The following HIP1 variants were observed in gnomAD, a reference collection of about 807,000 sequenced individuals.
The protein encoded by HIP1 is huntingtin-interacting protein 1.
A neutral mutation model predicts 147.6 loss-of-function variants in HIP1; 65 were observed. The ratio of observed to expected loss-of-function variants is 0.44; its 90% CI spans 0.36 to 0.54. The LOEUF (loss-of-function observed/expected upper bound fraction) is 0.54. Ranked by LOEUF, HIP1 falls within the 20% of genes least tolerant of loss-of-function variation. The pLI, the probability that HIP1 is intolerant of heterozygous loss-of-function variation, is 0.00. For synonymous variants in HIP1, 479 were observed against 504.0 expected, an observed-to-expected ratio of 0.95 and a Z score of 0.67; for missense variants, 1,061 against 1,299.6, an observed-to-expected ratio of 0.82 and a Z score of 2.82.
chr7:75,635,019 T>C (rs1347696573), intron 1 of HIP1, among the ~76,000 whole-genome samples: 3 of 151,684 alleles, frequency 2.0e-5, no homozygotes, highest in Non-Finnish European at 2.9e-5. Flanking sequence ...TAAATTGTTA[T>C]GTAAACATTA....
At chr7:75,538,492 G>C (rs1554489186) in intron 30 of HIP1, among the ~76,000 whole-genome samples, 1 of 151,360 alleles carries the variant, frequency 6.6e-6, no homozygotes, top group East Asian at 1.9e-4. Flanking sequence ...ATAGACTCGA[G>C]GTGATGGATG....
At position 75,573,861 on chromosome 7, in the gene HIP1, C is replaced by T. The variant is rs782084352; in HGVS notation, c.645G>A (p.Thr215=). Residue 215 remains threonine, a synonymous_variant, in exon 8 of 31, where the codon ACG becomes ACA. Coordinates refer to ENST00000336926, the MANE Select transcript of HIP1 (RefSeq NM_005338.7). ...GGGCGAGGCGGCACTGCCCTGCTGC[C>T]GTCACGGACACAGAGCGGGACATGT... ...SLDMSRSVSV[T]AAGQCRLAPL... is the part of the protein sequence containing the mutation. The T allele has an allele frequency of 3.5e-5, 56 of 1,613,946 alleles. No individual in the cohort carries two copies. The highest frequency in any genetic ancestry group is 4.6e-5 in the Non-Finnish European group (54 of 1,179,964).
At chr7:75,634,872 C>T (rs1798367192) in intron 1 of HIP1, among the ~76,000 whole-genome samples, 1 of 139,092 alleles carries the variant, frequency 7.2e-6, no homozygotes, top group Non-Finnish European at 1.5e-5. Flanking sequence ...CCCAGGAGTT[C>T]GAGGCTAGAG....
At chr7:75,543,744 C>A (rs1554490381) in intron 27 of HIP1, among the ~76,000 whole-genome samples, 1 of 152,134 alleles carries the variant, frequency 6.6e-6, no homozygotes. Flanking sequence ...TTCTTGAATG[C>A]CAGGACTGCT....
intron 1 of HIP1, among the ~76,000 whole-genome samples, chr7:75,621,725 G>C (rs116034052): frequency 6.6e-6 from 1 of 152,202 alleles, no homozygotes; most frequent in Admixed American, 6.6e-5. Flanking sequence ...GAGGTGTCGA[G>C]ACGTGGTCGG....
At chr7:75,548,546 C>A (rs1231109165) in intron 23 of HIP1, among the ~76,000 whole-genome samples, 1 of 152,010 alleles carries the variant, frequency 6.6e-6, no homozygotes, top group Non-Finnish European at 1.5e-5. Context: ...GTGGTGCAAT[C>A]ATGGCTCACT....
chr7:75,631,654 G>A (rs1051461114), intron 1 of HIP1, among the ~76,000 whole-genome samples: 15 of 152,092 alleles, frequency 9.9e-5, no homozygotes, highest in Non-Finnish European at 2.1e-4. Context: ...AGGACACATG[G>A]GGAATTTATT....
intron 11 of HIP1, 55 bp downstream of exon 11, chr7:75,562,880 C>A: frequency 6.3e-7 from 1 of 1,582,216 alleles, no homozygotes; most frequent in Non-Finnish European, 8.7e-7. Flanking sequence ...CCAGCCTCTC[C>A]CCTGTACTTG....
At chr7:75,632,398 T>C (rs1554509076) in intron 1 of HIP1, among the ~76,000 whole-genome samples, 1 of 152,002 alleles carries the variant, frequency 6.6e-6, no homozygotes, top group Non-Finnish European at 1.5e-5. Flanking sequence ...AACCAAAAAT[T>C]CTTTTCTCCT....
intron 1 of HIP1, among the ~76,000 whole-genome samples, chr7:75,670,366 C>T (rs1192542246): frequency 1.6e-5 from 2 of 125,228 alleles, no homozygotes; most frequent in African/African-American, 3.3e-5. Context: ...CATGTTGCCC[C>T]GGCTGGTCTC....
Position 75,534,092 on chromosome 7 carries a change from G to A in HIP1, c.*4080C>T. On this transcript the variant is annotated 3_prime_UTR_variant, in exon 31 of 31. Transcript: ENST00000336926. ...CCCCTCTAGACTAAGGAGCTAAGAG[G>A]GAACTTCCAGCTGCAAGCTGAGAAC... is the stretch of plus-strand genomic sequence containing the variant. 4 of 231,470 alleles carry A rather than the reference G, an allele frequency of 1.7e-5. No individual in the cohort carries two copies. The highest frequency in any genetic ancestry group is 3.4e-5 in the Non-Finnish European group (4 of 116,990). 14.3% of individuals were successfully genotyped at this position (231,470 alleles called of 1,614,324 possible). A position where few individuals can be genotyped will look rare whatever the true frequency, so the allele number is the denominator to read the frequency against.
At chr7:75,667,042 A>T (rs1019475224) in intron 1 of HIP1, among the ~76,000 whole-genome samples, 6 of 152,150 alleles carry the variant, frequency 3.9e-5, no homozygotes, top group Admixed American at 2.6e-4. Context: ...CAGACACTGG[A>T]AAGAAATATG....
At position 75,577,028 on chromosome 7, in the gene HIP1, G is replaced by A. The variant is rs10280609; in HGVS notation, c.605-3127C>T. Among the ~76,000 whole-genome samples the A allele has an allele frequency of 9.8e-3, 1,486 of 152,056 alleles. 23 individuals carry two copies. The highest frequency in any genetic ancestry group is 0.034 in the African/African-American group (1,416 of 41,472). ...TGCCCTATTGGACAGTGCACACTGC[G>A]GGTGCTTCTTAAAGCACAGGAGGCT... On this transcript the variant is annotated intron_variant, in intron 7 of 30. Coordinates refer to ENST00000336926, the MANE Select transcript of HIP1 (RefSeq NM_005338.7).
intron 1 of HIP1, among the ~76,000 whole-genome samples, chr7:75,704,705 C>T (rs1554519515): frequency 6.6e-6 from 1 of 152,130 alleles, no homozygotes; most frequent in African/African-American, 2.4e-5. Context: ...GTCTCAGTAG[C>T]TGGAATTACA....
intron 1 of HIP1, among the ~76,000 whole-genome samples, chr7:75,651,115 G>A (rs1798964783): frequency 6.6e-6 from 1 of 152,052 alleles, no homozygotes; most frequent in Admixed American, 6.6e-5. Context: ...CACAGGAGGA[G>A]GGAGGGGCAT....
intron 1 of HIP1, among the ~76,000 whole-genome samples, chr7:75,704,582 T>C (rs532190058): frequency 9.4e-5 from 14 of 149,260 alleles, no homozygotes; most frequent in East Asian, 4.0e-4. Flanking sequence ...GTTGTTGTTG[T>C]TGTTTGTTTG....
intron 13 of HIP1, 108 bp downstream of exon 13, chr7:75,561,221 T>C: frequency 1.1e-6 from 1 of 871,452 alleles, no homozygotes; most frequent in Non-Finnish European, 2.0e-6. Context: ...CCCAAAGTGC[T>C]AGGATTACAG....
At chr7:75,635,596 A>T (rs1798398366) in intron 1 of HIP1, among the ~76,000 whole-genome samples, 1 of 150,552 alleles carries the variant, frequency 6.6e-6, no homozygotes, top group South Asian at 2.1e-4. Context: ...AAAAAAAAAA[A>T]AGAACAGCCA....
At position 75,559,920 on chromosome 7, in the gene HIP1, G is replaced by A. The variant is rs369693012; in HGVS notation, c.1192-5C>T. ...CTGCAGCACAACCCGCTGGCTCTGTGGGGGGACTCCGGTCATGAGGCCAAC... is the reference window on the plus strand; with the variant it reads ...CTGCAGCACAACCCGCTGGCTCTGTAGGGGGACTCCGGTCATGAGGCCAAC... On this transcript the variant is annotated splice_region_variant and splice_polypyrimidine_tract_variant and intron_variant, in intron 13 of 30. Transcript: ENST00000336926. 146 of 1,593,252 alleles carry A rather than the reference G, an allele frequency of 9.2e-5. No individual in the cohort carries two copies. Among genetic ancestry groups the A allele is most frequent in the Non-Finnish European group, 9.6e-5 (113 of 1,172,052 alleles).
Sources: allele counts gnomAD v4.1 joint callset (sites outside exome capture counted in the v4.1 genomes callset), GRCh38; gene constraint gnomAD v4.1.1; transcripts MANE v1.5; gene names NCBI Gene and HGNC (gene_info 2026-07-23, HGNC 2026-07-21).